Variants in SNAP25 observed in about 807,000 individuals in gnomAD.
SNAP25 encodes the protein synaptosomal-associated protein 25.
SNAP25 carries 3 observed loss-of-function variants against 28.7 expected under a neutral mutation model. The observed-to-expected ratio is 0.10, with a 90% CI of 0.05 to 0.27. SNAP25 has a LOEUF of 0.27. SNAP25 is among the 10% of genes least tolerant of loss of function. SNAP25 has a pLI of 1.00. For missense variants in SNAP25, 117 were observed against 278.7 expected, an observed-to-expected ratio of 0.42 and a Z score of 4.13; for synonymous variants, 61 against 88.1, an observed-to-expected ratio of 0.69 and a Z score of 1.72.
At chr20:10,223,169 A>G (rs6032826) in intron 1 of SNAP25, among the ~76,000 whole-genome samples, 52,230 of 152,022 alleles carry the variant, frequency 0.34, 11,917 homozygotes, top group African/African-American at 0.66. Flanking sequence ...GAAAAACTGG[A>G]ATGGGTAGTA....
At chr20:10,304,876 A>G (rs1443384688) in intron 7 of SNAP25, among the ~76,000 whole-genome samples, 1 of 152,192 alleles carries the variant, frequency 6.6e-6, no homozygotes, top group Non-Finnish European at 1.5e-5. Flanking sequence ...TTTTAAACGG[A>G]TGCTCACAAC....
intron 3 of SNAP25, among the ~76,000 whole-genome samples, chr20:10,281,272 A>G (rs1201759871): frequency 1.3e-5 from 2 of 152,146 alleles, no homozygotes; most frequent in African/African-American, 2.4e-5. Context: ...ACATAATACT[A>G]TTTAAGGAAT....
chr20:10,267,400 G>A (rs554871239), intron 1 of SNAP25, among the ~76,000 whole-genome samples: 71 of 152,238 alleles, frequency 4.7e-4, no homozygotes, highest in East Asian at 3.1e-3. Flanking sequence ...GAGGGTGGGA[G>A]GTGTGGAAGA....
intron 1 of SNAP25, among the ~76,000 whole-genome samples, chr20:10,266,332 CA>C (rs2063505789): frequency 2.0e-5 from 3 of 152,144 alleles, no homozygotes; most frequent in African/African-American, 7.2e-5. Flanking sequence ...AAATTTCATC[CA>C]GTGAAAATAA....
At chr20:10,304,726 A>G (rs1212770099) in intron 7 of SNAP25, among the ~76,000 whole-genome samples, 1 of 152,134 alleles carries the variant, frequency 6.6e-6, no homozygotes, top group Non-Finnish European at 1.5e-5. Context: ...GGCACTTTGT[A>G]TGGGTGCATG....
At chr20:10,252,534 T>G (rs1472870810) in intron 1 of SNAP25, among the ~76,000 whole-genome samples, 1 of 152,220 alleles carries the variant, frequency 6.6e-6, no homozygotes, top group Non-Finnish European at 1.5e-5. Context: ...ATTGACATGT[T>G]TATTACTTTT....
intron 4 of SNAP25, among the ~76,000 whole-genome samples, chr20:10,287,395 AAC>A (rs1475913775): frequency 2.0e-5 from 3 of 151,968 alleles, no homozygotes; most frequent in Non-Finnish European, 4.4e-5. Flanking sequence ...GCAGCCAAAA[AAC>A]ACATGAAAAA....
At chr20:10,302,893 G>A (rs527521798) in intron 7 of SNAP25, among the ~76,000 whole-genome samples, 69 of 151,934 alleles carry the variant, frequency 4.5e-4, no homozygotes, top group African/African-American at 1.6e-3. Flanking sequence ...AGTAAGTTAG[G>A]TGGAAATCAC....
chr20:10,242,441 C>T (rs1412428526), intron 1 of SNAP25, among the ~76,000 whole-genome samples: 1 of 152,154 alleles, frequency 6.6e-6, no homozygotes, highest in Non-Finnish European at 1.5e-5. Context: ...AAGGGCAAGG[C>T]TCAGGAGAAG....
chr20:10,294,978 G>A (rs2064079006), intron 5 of SNAP25, among the ~76,000 whole-genome samples: 1 of 152,196 alleles, frequency 6.6e-6, no homozygotes, highest in South Asian at 2.1e-4. Flanking sequence ...CCCCTGGGAT[G>A]GATTCTGATG....
At chr20:10,259,146 A>AAT (rs1381754090) in intron 1 of SNAP25, among the ~76,000 whole-genome samples, 5 of 151,988 alleles carry the variant, frequency 3.3e-5, no homozygotes, top group South Asian at 2.1e-4. Flanking sequence ...AGTATGGCAG[A>AAT]ATATATATAT....
In SNAP25 at chr20:10,288,045, A is replaced by G. The variant is rs372526167; in HGVS notation, c.163+3273A>G. On this transcript the variant is annotated intron_variant, in intron 4 of 7. Coordinates refer to ENST00000254976, the MANE Select transcript of SNAP25 (RefSeq NM_130811.4). ...GAGAGGGGAGGGATAGCTTTAGGAG[A>G]TATACCTAATGCTAAATGATGAGTT... is the stretch of plus-strand genomic sequence containing the variant. Among the ~76,000 whole-genome samples the G allele has an allele frequency of 2.4e-3, 366 of 152,218 alleles. 17 individuals carry two copies. The South Asian group carries it at 0.073, about 30-fold the overall frequency.
At chr20:10,249,122 C>T (rs979203268) in intron 1 of SNAP25, among the ~76,000 whole-genome samples, 2 of 152,198 alleles carry the variant, frequency 1.3e-5, no homozygotes, top group East Asian at 1.9e-4. Flanking sequence ...TTTGATAGCT[C>T]GTGCCTTTCT....
chr20:10,222,806 T>C (rs2062658668), intron 1 of SNAP25, among the ~76,000 whole-genome samples: 1 of 152,240 alleles, frequency 6.6e-6, no homozygotes, highest in Admixed American at 6.5e-5. Flanking sequence ...CTTTTCAGGA[T>C]ACATATACCT....
intron 1 of SNAP25, among the ~76,000 whole-genome samples, chr20:10,220,159 A>G (rs2062602635): frequency 6.6e-6 from 1 of 152,156 alleles, no homozygotes; most frequent in Non-Finnish European, 1.5e-5. Flanking sequence ...CTATGTTTCC[A>G]TTTGATAAAA....
chr20:10,226,449 T>C (rs2062735455), intron 1 of SNAP25, among the ~76,000 whole-genome samples: 1 of 152,142 alleles, frequency 6.6e-6, no homozygotes, highest in African/African-American at 2.4e-5. Context: ...GAACAAATAT[T>C]TATTGAACAC....
intron 1 of SNAP25, among the ~76,000 whole-genome samples, chr20:10,254,809 A>G (rs1432078425): frequency 6.6e-6 from 1 of 152,190 alleles, no homozygotes; most frequent in Admixed American, 6.5e-5. Flanking sequence ...CGGGTCTGGA[A>G]AATTATTTTT....
At chr20:10,277,828 TC>T in intron 3 of SNAP25, 102 bp downstream of exon 3, 1 of 1,087,212 alleles carries the variant, frequency 9.2e-7, no homozygotes, top group Non-Finnish European at 1.4e-6. Flanking sequence ...TCCCCTAGAT[TC>T]CAGTGTGGAT....
intron 1 of SNAP25, among the ~76,000 whole-genome samples, chr20:10,264,918 CTTTTT>C (rs958711328): frequency 8.5e-6 from 1 of 117,126 alleles, no homozygotes; most frequent in South Asian, 2.7e-4. Context: ...TCAGACCATG[CTTTTT>C]TTTTTTTTTT....
Sources: gnomAD v4.1 joint callset for allele counts (sites outside exome capture counted in the v4.1 genomes callset) on GRCh38, gnomAD v4.1.1 for gene constraint, MANE v1.5 for transcripts, NCBI Gene and HGNC (gene_info 2026-07-23, HGNC 2026-07-21) for gene names.